The following FAAH2 variants were observed in gnomAD, a reference collection of about 807,000 sequenced individuals.
FAAH2 encodes the protein fatty-acid amide hydrolase 2.
FAAH2 carries 60 observed loss-of-function variants against 36.9 expected under a neutral mutation model. That is an observed-to-expected ratio of 1.63 (90% CI 1.32 to 2.02). The LOEUF is 2.02. Among genes scored for constraint, FAAH2 ranks in the 30% most tolerant of loss-of-function variants. FAAH2 has a pLI of 0.00. For missense variants in FAAH2, 689 were observed against 397.5 expected, an observed-to-expected ratio of 1.73 and a Z score of -6.23; for synonymous variants, 214 against 143.8, an observed-to-expected ratio of 1.49 and a Z score of -3.49.
intron 3 of FAAH2, among the ~76,000 whole-genome samples, chrX:57,314,812 T>C (rs1039210016): frequency 1.4e-4 from 16 of 111,530 alleles, no homozygotes; most frequent in African/African-American, 5.2e-4. Flanking sequence ...TTTATAGAAC[T>C]AAATCCTTCT....
the FAAH2 span, among the ~76,000 whole-genome samples, chrX:57,212,070 TAC>T: frequency 1.8e-5 from 2 of 111,547 alleles, no homozygotes; most frequent in African/African-American, 6.5e-5. Context: ...ACCCTGTCTC[TAC>T]AGTTTTTTAA....
chrX:57,415,719 G>T (rs2055825232), intron 7 of FAAH2, among the ~76,000 whole-genome samples: 1 of 111,456 alleles, frequency 9.0e-6, no homozygotes, highest in Admixed American at 9.6e-5. Context: ...GGGGTGGAGA[G>T]TTCTGTAGAT....
chrX:57,124,543 T>A, the FAAH2 span, among the ~76,000 whole-genome samples: 3 of 112,067 alleles, frequency 2.7e-5, no homozygotes, highest in East Asian at 2.8e-4. Context: ...CTGTGAAGAA[T>A]GTCATTGGTA....
chrX:57,416,694 G>A (rs55831850), intron 7 of FAAH2, among the ~76,000 whole-genome samples: 1,966 of 111,288 alleles, frequency 0.018, 17 homozygotes, highest in Middle Eastern at 0.033. Flanking sequence ...TGAATCTGAC[G>A]ATTATGTGTC....
chrX:57,463,144 C>G (rs980152002), intron 10 of FAAH2, among the ~76,000 whole-genome samples: 6 of 110,986 alleles, frequency 5.4e-5, no homozygotes, highest in Non-Finnish European at 1.1e-4. Flanking sequence ...AACCACTGCT[C>G]AAGGAAATAA....
intron 4 of FAAH2, among the ~76,000 whole-genome samples, chrX:57,336,704 C>A (rs1486150056): frequency 9.0e-6 from 1 of 111,467 alleles, no homozygotes; most frequent in Non-Finnish European, 1.9e-5. Context: ...CTAATGAGAA[C>A]AAAGACACAA....
the FAAH2 span, among the ~76,000 whole-genome samples, chrX:57,249,415 G>C: frequency 0.025 from 2,845 of 111,952 alleles, 100 homozygotes; most frequent in African/African-American, 0.087. Context: ...CCTTGTTCCA[G>C]GGCCCATTAA....
intron 5 of FAAH2, among the ~76,000 whole-genome samples, chrX:57,348,341 A>G (rs894323599): frequency 9.0e-6 from 1 of 110,988 alleles, no homozygotes; most frequent in Admixed American, 9.6e-5. Context: ...ATGAGCACAT[A>G]ATGCTTGGGA....
chrX:57,432,177 C>A, intron 8 of FAAH2, 140 bp downstream of exon 8: 1 of 461,627 alleles, frequency 2.2e-6, no homozygotes, highest in Non-Finnish European at 3.3e-6. Context: ...TTAAAGAAAG[C>A]ACAGTTTGGT....
intron 7 of FAAH2, among the ~76,000 whole-genome samples, chrX:57,420,969 T>A (rs1187027302): frequency 8.9e-6 from 1 of 112,491 alleles, no homozygotes; most frequent in Non-Finnish European, 1.9e-5. Context: ...TCTGCATCTA[T>A]TGAGATAATT....
At chrX:57,418,962 G>A (rs1372766370) in intron 7 of FAAH2, among the ~76,000 whole-genome samples, 1 of 100,355 alleles carries the variant, frequency 1.0e-5, no homozygotes, top group Non-Finnish European at 2.0e-5. Context: ...GTGAGAACAT[G>A]CGGTGTTTGG....
the FAAH2 span, among the ~76,000 whole-genome samples, chrX:57,123,753 G>A: frequency 2.7e-5 from 3 of 112,589 alleles, no homozygotes; most frequent in Admixed American, 1.9e-4. Flanking sequence ...CTGATGGCCA[G>A]TGATGAAGAG....
At chrX:57,242,030 G>A in the FAAH2 span, among the ~76,000 whole-genome samples, 3 of 112,600 alleles carry the variant, frequency 2.7e-5, no homozygotes. Flanking sequence ...AGACTTAAAT[G>A]TTCCTGCCAG....
At chrX:57,482,410 G>A (rs902030709) in intron 10 of FAAH2, among the ~76,000 whole-genome samples, 2 of 111,736 alleles carry the variant, frequency 1.8e-5, no homozygotes, top group Admixed American at 9.5e-5. Flanking sequence ...CTTCTGATCT[G>A]CAGATTGTGA....
At chrX:57,452,041 T>C (rs2056792822) in intron 10 of FAAH2, 1 of 296,891 alleles carries the variant, frequency 3.4e-6, no homozygotes, top group Non-Finnish European at 4.5e-6. Context: ...TATGTCATAA[T>C]AATTGGGAGA....
intron 5 of FAAH2, among the ~76,000 whole-genome samples, chrX:57,370,770 C>T (rs920948598): frequency 9.0e-6 from 1 of 111,538 alleles, no homozygotes; most frequent in Admixed American, 9.5e-5. Flanking sequence ...GAGCATGAAC[C>T]CTTTTGTGAA....
At chrX:57,163,781 A>T in the FAAH2 span, among the ~76,000 whole-genome samples, 35 of 112,167 alleles carry the variant, frequency 3.1e-4, no homozygotes, top group East Asian at 1.4e-3. Context: ...TAGTGAGATG[A>T]ACCCGGTACC....
At chrX:57,263,543 A>T in the FAAH2 span, among the ~76,000 whole-genome samples, 7 of 112,044 alleles carry the variant, frequency 6.2e-5, no homozygotes, top group Non-Finnish European at 1.3e-4. Flanking sequence ...AATTTAACAC[A>T]ATTCTTGTAA....
chrX:57,197,542 TA>T, the FAAH2 span, among the ~76,000 whole-genome samples: 3 of 73,267 alleles, frequency 4.1e-5, no homozygotes, highest in Non-Finnish European at 6.4e-5. Context: ...GCTATTCAGA[TA>T]TTTTTTTTTT....
Sources: gnomAD v4.1 joint callset for allele counts (sites outside exome capture counted in the v4.1 genomes callset) on GRCh38, gnomAD v4.1.1 for gene constraint, MANE v1.5 for transcripts, NCBI Gene and HGNC (gene_info 2026-07-23, HGNC 2026-07-21) for gene names.